Variants in MAP1B observed in about 807,000 individuals in gnomAD.
The protein encoded by MAP1B is microtubule-associated protein 1B.
Under a neutral mutation model 176.1 loss-of-function variants are expected in MAP1B, and 12 were observed. That is an observed-to-expected ratio of 0.07 (90% CI 0.04 to 0.11). The LOEUF (loss-of-function observed/expected upper bound fraction) is 0.11. Among genes scored for constraint, MAP1B ranks in the 10% least tolerant of loss-of-function variants. The pLI, the probability that MAP1B is intolerant of heterozygous loss-of-function variation, is 1.00. For missense variants in MAP1B, 2,523 were observed against 2,990.5 expected (o/e 0.84, Z 3.65); for synonymous variants, 1,044 against 1,135.0 (o/e 0.92, Z 1.61).
chr5:72,163,535 T>G (rs1746365634), intron 2 of MAP1B, among the ~76,000 whole-genome samples: 1 of 152,206 alleles, frequency 6.6e-6, no homozygotes, highest in African/African-American at 2.4e-5. Flanking sequence ...CTGAGTCATG[T>G]CTAGATTAGG....
intron 2 of MAP1B, among the ~76,000 whole-genome samples, chr5:72,178,831 A>G (rs1746707000): frequency 6.6e-6 from 1 of 152,138 alleles, no homozygotes; most frequent in African/African-American, 2.4e-5. Flanking sequence ...ATTTACATAC[A>G]TAGAAAATAA....
Position 72,204,684 on chromosome 5 carries a change from C to A in MAP1B, c.7252-400C>A, listed in dbSNP as rs1747404964. ...CTCAGGACAAAATGTTAGTTACTCACAATGAGTGGGCTTTTGAGGGCTTTG... is the reference window on the plus strand; with the variant it reads ...CTCAGGACAAAATGTTAGTTACTCAAAATGAGTGGGCTTTTGAGGGCTTTG... On this transcript the variant is annotated intron_variant, in intron 6 of 6. Coordinates refer to ENST00000296755, the MANE Select transcript of MAP1B (RefSeq NM_005909.5). This position sits in a 1 kb window ranked among gnomAD's most constrained non-coding sequence, Gnocchi z 4.4. Among the ~76,000 whole-genome samples, 1 of 152,174 alleles carries A rather than the reference C, an allele frequency of 6.6e-6. No homozygotes were observed. Among genetic ancestry groups the A allele is most frequent in the Non-Finnish European group, 1.5e-5 (1 of 68,038 alleles).
chr5:72,166,595 CT>C (rs1162566657), intron 2 of MAP1B, among the ~76,000 whole-genome samples: 1 of 152,102 alleles, frequency 6.6e-6, no homozygotes, highest in Non-Finnish European at 1.5e-5. Context: ...CCCTTTAGCC[CT>C]TTTTTTGTCT....
rs1746899179 is a variant in MAP1B, at chr5:72,186,433, C to G, written c.370-181C>G. On this transcript the variant is annotated intron_variant, in intron 3 of 6. Transcript: ENST00000296755. This position sits in a 1 kb window ranked among gnomAD's most constrained non-coding sequence, Gnocchi z 4.3. ...CTTATTGGCTTTGTGGATGATCCTA[C>G]AGCCAGGGATCCATTCAACCCTCCC... 6.6e-6 allele frequency among the ~76,000 whole-genome samples: 1 copy of G among 152,224 alleles called. No homozygotes were observed. The highest frequency in any genetic ancestry group is 1.5e-5 in the Non-Finnish European group (1 of 68,036).
chr5:72,135,158 A>G (rs1375030249), intron 2 of MAP1B, among the ~76,000 whole-genome samples: 2 of 151,856 alleles, frequency 1.3e-5, no homozygotes, highest in Non-Finnish European at 2.9e-5. Context: ...CAGAAAATCT[A>G]GGTTCAAATA....
chr5:72,183,967 C>T (rs1746836552), intron 3 of MAP1B, 142 bp downstream of exon 3: 2 of 662,708 alleles, frequency 3.0e-6, no homozygotes, highest in Non-Finnish European at 5.2e-6. Context: ...TTCTCAACCC[C>T]CATTAAGTGG....
In MAP1B at chr5:72,111,250, C is replaced by T. The variant is rs151041050; in HGVS notation, c.184+3535C>T. Among the ~76,000 whole-genome samples, 404 of 152,068 alleles carry T rather than the reference C, an allele frequency of 2.7e-3. 1 individual carries two copies. Among genetic ancestry groups the T allele is most frequent in the African/African-American group, 9.4e-3 (391 of 41,494 alleles). ...AATTCTAGAGCCTTGTGAACGTTTT[C>T]ATTGTTTCATTTTTTTTTTAAGGAA... On this transcript the variant is annotated intron_variant, in intron 1 of 6. Coordinates refer to ENST00000296755, the MANE Select transcript of MAP1B (RefSeq NM_005909.5).
chr5:72,158,212 A>AT (rs1321212479), intron 2 of MAP1B, among the ~76,000 whole-genome samples: 2 of 149,262 alleles, frequency 1.3e-5, no homozygotes, highest in African/African-American at 4.9e-5. Context: ...GTTTCACTAT[A>AT]TTGTCCAGGG....
intron 2 of MAP1B, among the ~76,000 whole-genome samples, chr5:72,142,731 TAA>T (rs113297811): frequency 3.5e-5 from 5 of 143,048 alleles, no homozygotes; most frequent in Non-Finnish European, 3.1e-5. Context: ...AAGTTTCAAT[TAA>T]AAAAAAAAAA....
At chr5:72,190,069 C>T (rs1264285729) in intron 4 of MAP1B, among the ~76,000 whole-genome samples, 1 of 152,134 alleles carries the variant, frequency 6.6e-6, no homozygotes, top group African/African-American at 2.4e-5. Context: ...AATGTCATGA[C>T]TCAAACTGGA....
At position 72,199,437 on chromosome 5, in the gene MAP1B, T is replaced by A; in HGVS notation, c.6082T>A (p.Ser2028Thr). The A allele has an allele frequency of 6.2e-7, 1 of 1,614,108 alleles. No homozygotes were observed. Among genetic ancestry groups the A allele is most frequent in the Non-Finnish European group, 8.5e-7 (1 of 1,180,024 alleles). The change falls in exon 5 of 7, where the codon TCT becomes ACT. Residue 2028 changes from serine (S) to threonine (T), a missense_variant. By Grantham distance (58) the Ser-to-Thr change is moderately conservative. Around this residue, in one of 4 missense-constraint regions of MAP1B, gnomAD observed 1,925 missense variants for 2,126.0 expected, o/e 0.91. Transcript: ENST00000296755. This position sits in a 1 kb window ranked among gnomAD's most constrained non-coding sequence, Gnocchi z 4.2. ...PESEGYSYETSTKTTRTPDTS... is the reference protein window; with the variant it reads ...PESEGYSYETTTKTTRTPDTS... ...GTCTGAAGGTTATTCCTATGAGACA[T>A]CTACAAAGACAACACGAACCCCTGA...
intron 1 of MAP1B, among the ~76,000 whole-genome samples, chr5:72,108,906 C>T (rs1176833361): frequency 6.6e-6 from 1 of 152,214 alleles, no homozygotes; most frequent in Non-Finnish European, 1.5e-5. Context: ...CCTCCGCAGC[C>T]CCAGCCCGCG....
chr5:72,199,281 A>G lies in MAP1B; in HGVS notation c.5926A>G (p.Lys1976Glu), dbSNP rs1561317898. 3 of 1,614,148 alleles carry G rather than the reference A, an allele frequency of 1.9e-6. No individual in the cohort carries two copies. The highest frequency in any genetic ancestry group is 1.7e-6 in the Non-Finnish European group (2 of 1,180,014). Residue 1976 changes from lysine to glutamate, a missense_variant, in exon 5 of 7, where the codon AAG (lysine) becomes GAG (glutamate). By Grantham distance (56) the Lys-to-Glu change is moderately conservative. This residue lies in a region of MAP1B where 1,925 missense variants were observed against 2,126.0 expected (regional missense o/e 0.91). Coordinates refer to ENST00000296755, the MANE Select transcript of MAP1B (RefSeq NM_005909.5). This position sits in a 1 kb window ranked among gnomAD's most constrained non-coding sequence, Gnocchi z 4.2. ...CGAAGTGAGTGGTTACAGCTATGAAAAGACTGAGAGGTCTAGAAGGCTTCT... is the reference window on the plus strand; with the variant it reads ...CGAAGTGAGTGGTTACAGCTATGAAGAGACTGAGAGGTCTAGAAGGCTTCT... ...PPEVSGYSYE[K>E]TERSRRLLDD...
chr5:72,200,195 C>G lies in MAP1B; in HGVS notation c.6840C>G (p.Ser2280=), dbSNP rs780415432. Reference sequence around the variant, plus strand: ...CAAAACCAGCGGGCTTGAAAGAATCCTCGGATAAAGTGTCCAGGGTGGCTT... The same window carrying G: ...CAAAACCAGCGGGCTTGAAAGAATCGTCGGATAAAGTGTCCAGGGTGGCTT... ...ASPKPAGLKE[S]SDKVSRVASP... The change falls in exon 5 of 7, where the codon TCC becomes TCG. Residue 2280 remains serine, a synonymous_variant. Transcript: ENST00000296755. The G allele has an allele frequency of 6.2e-7, 1 of 1,614,214 alleles. No homozygotes were observed. The highest frequency in any genetic ancestry group is 8.5e-7 in the Non-Finnish European group (1 of 1,180,042).
At chr5:72,138,128 A>T (rs145067376) in intron 2 of MAP1B, among the ~76,000 whole-genome samples, 1 of 152,348 alleles carries the variant, frequency 6.6e-6, no homozygotes, top group African/African-American at 2.4e-5. Flanking sequence ...TCCTTATGAT[A>T]TAAAGAGTTC....
intron 2 of MAP1B, among the ~76,000 whole-genome samples, chr5:72,170,808 G>A (rs1004998522): frequency 6.6e-6 from 1 of 152,132 alleles, no homozygotes; most frequent in African/African-American, 2.4e-5. Context: ...TGATCCAGAT[G>A]TGGTAGCAGG....
At chr5:72,189,580 A>G (rs1415466046) in intron 4 of MAP1B, among the ~76,000 whole-genome samples, 1 of 152,170 alleles carries the variant, frequency 6.6e-6, no homozygotes, top group African/African-American at 2.4e-5. Flanking sequence ...CTGTAATCCC[A>G]GTACTTTGGG....
intron 2 of MAP1B, among the ~76,000 whole-genome samples, chr5:72,175,303 G>C (rs1001654855): frequency 5.3e-5 from 8 of 151,950 alleles, no homozygotes; most frequent in African/African-American, 1.9e-4. Flanking sequence ...AAGAGACCTG[G>C]AGTTGGCTCA....
rs116202124 is a variant in MAP1B at position 72,138,487 on chromosome 5, C to T, written c.286+22688C>T. On this transcript the variant is annotated intron_variant, in intron 2 of 6. Coordinates refer to ENST00000296755, the MANE Select transcript of MAP1B (RefSeq NM_005909.5). ...ATATGAAGAGTCATAGAAATGCTCACGTACTTCACCCAGTAATTCCCTACC... is the reference window on the plus strand; with the variant it reads ...ATATGAAGAGTCATAGAAATGCTCATGTACTTCACCCAGTAATTCCCTACC... Among the ~76,000 whole-genome samples, 1,003 of 152,190 alleles carry T rather than the reference C, an allele frequency of 6.6e-3. 11 individuals carry two copies. The highest frequency in any genetic ancestry group is 0.022 in the African/African-American group (926 of 41,536).
Sources: allele counts gnomAD v4.1 joint callset (sites outside exome capture counted in the v4.1 genomes callset), GRCh38; gene constraint gnomAD v4.1.1; regional missense constraint gnomAD v4.1.1; non-coding constraint Gnocchi (gnomAD v3.1); transcripts MANE v1.5; gene names NCBI Gene and HGNC (gene_info 2026-07-23, HGNC 2026-07-21).